ZNF354C: variants seen among roughly 807,000 people sequenced by gnomAD.
ZNF354C encodes the protein KRAB-zinc finger protein synten.
Under a neutral mutation model 12.4 loss-of-function variants are expected in ZNF354C, and 7 were observed. The observed-to-expected ratio is 0.56, with a 90% CI of 0.32 to 1.06. ZNF354C has a LOEUF of 1.06. ZNF354C is among the 50% of genes least tolerant of loss of function. The pLI is 0.04. For synonymous variants in ZNF354C, 202 were observed against 224.5 expected, an observed-to-expected ratio of 0.90 and a Z score of 0.90; for missense variants, 609 against 658.0, an observed-to-expected ratio of 0.93 and a Z score of 0.81.
intron 2 of ZNF354C, among the ~76,000 whole-genome samples, chr5:179,069,651 A>G (rs988837178): frequency 1.3e-5 from 2 of 151,576 alleles, no homozygotes; most frequent in Non-Finnish European, 1.5e-5. Flanking sequence ...GGCTCACGAG[A>G]TCAGGAGATC....
In ZNF354C at chr5:179,064,574, A is replaced by C. The variant is rs1198047994; in HGVS notation, c.27+2479A>C. ...TGGGACTACAGGCGCCCACCACCAC[A>C]CTGGCTAATTTTTTTTTTTTTTGTA... On this transcript the variant is annotated intron_variant, in intron 2 of 4. Coordinates refer to ENST00000315475, the MANE Select transcript of ZNF354C (RefSeq NM_014594.3). Among the ~76,000 whole-genome samples the C allele has an allele frequency of 3.4e-5, 5 of 146,820 alleles. No homozygotes were observed. In the East Asian group the frequency reaches 1.0e-3, roughly 29 times the overall value.
rs1762240329 is a variant in ZNF354C, at chr5:179,082,356, T to G, written c.*2259T>G. Reference sequence around the variant, plus strand: ...TTACCTCAAATTTAATTAAATCTTTTGTCTAGACTTATCTTCCTGTTTAAA... The same window carrying G: ...TTACCTCAAATTTAATTAAATCTTTGGTCTAGACTTATCTTCCTGTTTAAA... On this transcript the variant is annotated 3_prime_UTR_variant, in exon 5 of 5. Coordinates refer to ENST00000315475, the MANE Select transcript of ZNF354C (RefSeq NM_014594.3). 1 of 223,732 alleles carries G rather than the reference T, an allele frequency of 4.5e-6. No individual in the cohort carries two copies. The highest frequency in any genetic ancestry group is 8.5e-6 in the Non-Finnish European group (1 of 116,968). 13.9% of individuals were successfully genotyped at this position (223,732 alleles called of 1,614,324 possible). A position where few individuals can be genotyped will look rare whatever the true frequency, so the allele number is the denominator to read the frequency against.
intron 2 of ZNF354C, among the ~76,000 whole-genome samples, chr5:179,068,965 A>AG (rs775160920): frequency 5.9e-5 from 9 of 152,222 alleles, no homozygotes; most frequent in Non-Finnish European, 1.3e-4. Flanking sequence ...CCTTCTTAGA[A>AG]GCACATGCCG....
chr5:179,082,572 T>C lies in ZNF354C; in HGVS notation c.*2475T>C. On this transcript the variant is annotated 3_prime_UTR_variant, in exon 5 of 5. Coordinates refer to ENST00000315475, the MANE Select transcript of ZNF354C (RefSeq NM_014594.3). ...GTAATAGCTCAAAAGAACTAAGTAT[T>C]CCAGATTTCGGGAGGGATGAAGAGG... The C allele has an allele frequency of 1.1e-6, 1 of 871,546 alleles. No individual in the cohort carries two copies. 54.0% of individuals were successfully genotyped at this position (871,546 alleles called of 1,614,324 possible). A position where few individuals can be genotyped will look rare whatever the true frequency, so the allele number is the denominator to read the frequency against.
chr5:179,062,650 G>A (rs1761910126), intron 2 of ZNF354C, among the ~76,000 whole-genome samples: 1 of 152,186 alleles, frequency 6.6e-6, no homozygotes, highest in Non-Finnish European at 1.5e-5. Context: ...ACTGATATTG[G>A]TGCTTAGAGA....
rs1762206685 is a variant in ZNF354C, at chr5:179,080,159, A to G, written c.*62A>G. The stretch of plus-strand genomic sequence containing the variant: ...AATAAGGGAATAATAAATAGGGTAC[A>G]AACTCCTAATAGATTTGTCTTTTTT... On this transcript the variant is annotated 3_prime_UTR_variant, in exon 5 of 5. Coordinates refer to ENST00000315475, the MANE Select transcript of ZNF354C (RefSeq NM_014594.3). 6.4e-6 allele frequency: 8 copies of G among 1,254,102 alleles called. No individual in the cohort carries two copies. The highest frequency in any genetic ancestry group is 8.8e-6 in the Non-Finnish European group (8 of 905,256). 77.7% of individuals were successfully genotyped at this position (1,254,102 alleles called of 1,614,324 possible). A position where few individuals can be genotyped will look rare whatever the true frequency, so the allele number is the denominator to read the frequency against.
chr5:179,083,449 A>G lies in ZNF354C; in HGVS notation c.*3352A>G, dbSNP rs550391154. On this transcript the variant is annotated 3_prime_UTR_variant, in exon 5 of 5. Transcript: ENST00000315475. The stretch of plus-strand genomic sequence containing the variant: ...GTCAATTGTTTTTTGTGGTGGATCT[A>G]TATGTGGTGGATGTTCATTGGTCAT... The G allele has an allele frequency of 3.3e-5, 5 of 152,440 alleles. No homozygotes were observed. In the East Asian group the frequency reaches 7.7e-4, roughly 23 times the overall value. The allele number at this position is 152,440 out of a possible 1,614,324, so 9.4% of individuals were successfully genotyped here.
chr5:179,076,704 G>A, intron 3 of ZNF354C, 133 bp downstream of exon 3: 8 of 1,164,970 alleles, frequency 6.9e-6, no homozygotes, highest in Non-Finnish European at 8.5e-6. Context: ...AGTGGAAAGT[G>A]TACATCTTTG....
At chr5:179,063,812 C>T (rs1174293519) in intron 2 of ZNF354C, among the ~76,000 whole-genome samples, 1 of 152,192 alleles carries the variant, frequency 6.6e-6, no homozygotes, top group African/African-American at 2.4e-5. Flanking sequence ...TGAAAAAGTA[C>T]ATTTAAAATG....
intron 1 of ZNF354C, 70 bp from the exon 2 acceptor site, chr5:179,061,945 G>T (rs532519889): frequency 9.8e-7 from 1 of 1,017,926 alleles, no homozygotes; most frequent in South Asian, 1.3e-5. Context: ...CATTATGGGC[G>T]GTTGTAACTT....
intron 4 of ZNF354C, 101 bp from the exon 5 acceptor site, chr5:179,078,582 A>C: frequency 3.5e-6 from 3 of 867,224 alleles, no homozygotes; most frequent in Non-Finnish European, 3.5e-6. Flanking sequence ...TGATTGTATC[A>C]CTCTTCTTTC....
At position 179,083,024 on chromosome 5, in the gene ZNF354C, T is replaced by C; in HGVS notation, c.*2927T>C. On this transcript the variant is annotated 3_prime_UTR_variant, in exon 5 of 5. Transcript: ENST00000315475. ...CATAGTTAATGAAGCCAAACTGATC[T>C]TGCACACATTCCACTGGCCCTACGC... 1 of 772,190 alleles carries C rather than the reference T, an allele frequency of 1.3e-6. No individual in the cohort carries two copies. Among genetic ancestry groups the C allele is most frequent in the Non-Finnish European group, 2.2e-6 (1 of 451,606 alleles). 47.8% of individuals were successfully genotyped at this position (772,190 alleles called of 1,614,324 possible).
chr5:179,066,272 GGT>G (rs1399540859), intron 2 of ZNF354C, among the ~76,000 whole-genome samples: 1 of 152,194 alleles, frequency 6.6e-6, no homozygotes, highest in Non-Finnish European at 1.5e-5. Flanking sequence ...GGGTAGTGGA[GGT>G]GTCTTATAAC....
chr5:179,061,987 T>A, intron 1 of ZNF354C, 28 bp from the exon 2 acceptor site: 1 of 1,499,158 alleles, frequency 6.7e-7, no homozygotes, highest in Non-Finnish European at 9.3e-7. Context: ...GACGCCAGGG[T>A]TCCTCTTGAC....
intron 1 of ZNF354C, among the ~76,000 whole-genome samples, chr5:179,061,310 C>T (rs1482844960): frequency 6.6e-6 from 1 of 152,164 alleles, no homozygotes; most frequent in Non-Finnish European, 1.5e-5. Context: ...GTTTCCACCT[C>T]TCCCACCTGG....
intron 2 of ZNF354C, among the ~76,000 whole-genome samples, chr5:179,070,383 A>G (rs1762032822): frequency 6.6e-6 from 1 of 152,142 alleles, no homozygotes; most frequent in Non-Finnish European, 1.5e-5. Flanking sequence ...CATCAGTAAC[A>G]TTGAGTTTGT....
At position 179,070,841 on chromosome 5, in the gene ZNF354C, CTTTTTTTTTTTTTTT is replaced by C. The variant is rs766817856; in HGVS notation, c.28-5593_28-5579del. Among the ~76,000 whole-genome samples the C allele has an allele frequency of 6.6e-5, 5 of 75,460 alleles. No individual in the cohort carries two copies. The East Asian group carries it at 1.9e-3, about 28-fold the overall frequency. The allele number at this position is 75,460 out of a possible 152,430, so 49.5% of individuals were successfully genotyped here. On this transcript the variant is annotated intron_variant, in intron 2 of 4. Coordinates refer to ENST00000315475, the MANE Select transcript of ZNF354C (RefSeq NM_014594.3). ...CAGATGATTAGCAGCCTTGATCGCTCTTTTTTTTTTTTTTTTTTTTTTTTTGAGACAGAGTCTTGC... is the reference window on the plus strand; with the variant it reads ...CAGATGATTAGCAGCCTTGATCGCTCTTTTTTTTTTGAGACAGAGTCTTGC...
intron 1 of ZNF354C, among the ~76,000 whole-genome samples, chr5:179,061,052 A>C (rs1266783978): frequency 6.6e-6 from 1 of 152,214 alleles, no homozygotes; most frequent in African/African-American, 2.4e-5. Context: ...GAAGATTGAA[A>C]ATACTGCGTG....
intron 2 of ZNF354C, among the ~76,000 whole-genome samples, chr5:179,066,307 G>A (rs563435689): frequency 2.0e-5 from 3 of 152,194 alleles, no homozygotes; most frequent in Admixed American, 6.5e-5. Flanking sequence ...TCTTCCTTAC[G>A]GCATTGCTGC....
Sources: allele counts gnomAD v4.1 joint callset (sites outside exome capture counted in the v4.1 genomes callset), GRCh38; gene constraint gnomAD v4.1.1; transcripts MANE v1.5; gene names NCBI Gene and HGNC (gene_info 2026-07-23, HGNC 2026-07-21).